The following GRIP2 variants were observed in gnomAD, a reference collection of about 807,000 sequenced individuals.
The protein encoded by GRIP2 is glutamate receptor interacting protein 2, also known as glutamate receptor-interacting protein 2.
Under a neutral mutation model 108.3 loss-of-function variants are expected in GRIP2, and 58 were observed. The ratio of observed to expected loss-of-function variants is 0.54; its 90% CI spans 0.43 to 0.67. The LOEUF is 0.67. Ranked by LOEUF, GRIP2 falls within the 30% of genes least tolerant of loss-of-function variation. GRIP2 has a pLI of 0.00. For synonymous variants in GRIP2, 586 were observed against 598.2 expected (o/e 0.98, Z 0.30); for missense variants, 1,278 against 1,430.6 (o/e 0.89, Z 1.72).
chr3:14,598,247 A>T, the GRIP2 span, among the ~76,000 whole-genome samples: 1 of 151,928 alleles, frequency 6.6e-6, no homozygotes, highest in Non-Finnish European at 1.5e-5. Context: ...GGAAATGAGC[A>T]GCAGGAGTGA....
At chr3:14,557,811 T>C (rs1695260232), upstream of GRIP2, among the ~76,000 whole-genome samples, 1 of 152,206 alleles carries the variant, frequency 6.6e-6, no homozygotes, top group African/African-American at 2.4e-5. Context: ...AGAGAACACA[T>C]GCCTTTAGGG....
At chr3:14,528,470 G>A (rs1694621587) in intron 1 of GRIP2, among the ~76,000 whole-genome samples, 1 of 152,196 alleles carries the variant, frequency 6.6e-6, no homozygotes, top group Non-Finnish European at 1.5e-5. Context: ...TTTCAAAGTG[G>A]CTGTGCCATT....
the GRIP2 span, among the ~76,000 whole-genome samples, chr3:14,584,091 A>T: frequency 6.6e-6 from 1 of 152,240 alleles, no homozygotes; most frequent in Non-Finnish European, 1.5e-5. Context: ...ACTATGGCTC[A>T]GAGAGATCAG....
the GRIP2 span, among the ~76,000 whole-genome samples, chr3:14,599,145 A>C: frequency 6.6e-6 from 1 of 152,094 alleles, no homozygotes; most frequent in Non-Finnish European, 1.5e-5. Flanking sequence ...TCTTGTTCAC[A>C]GTTTTATCCC....
At chr3:14,571,971 A>G in the GRIP2 span, among the ~76,000 whole-genome samples, 1 of 152,226 alleles carries the variant, frequency 6.6e-6, no homozygotes, top group African/African-American at 2.4e-5. Flanking sequence ...GTAAAGTGGT[A>G]CAGCGACTTT....
At chr3:14,583,102 T>G in the GRIP2 span, among the ~76,000 whole-genome samples, 1 of 152,216 alleles carries the variant, frequency 6.6e-6, no homozygotes, top group African/African-American at 2.4e-5. Flanking sequence ...CTCCATAGGT[T>G]GTCATTGCTC....
intron 1 of GRIP2, among the ~76,000 whole-genome samples, chr3:14,552,744 C>T (rs1695172054): frequency 6.6e-6 from 1 of 151,954 alleles, no homozygotes; most frequent in Non-Finnish European, 1.5e-5. Flanking sequence ...AGGCGTGCGC[C>T]ACCACACATG....
At chr3:14,510,072 A>G in intron 16 of GRIP2, 108 bp from the exon 17 acceptor site, 1 of 1,045,532 alleles carries the variant, frequency 9.6e-7, no homozygotes, top group Non-Finnish European at 1.3e-6. Flanking sequence ...TCATTCACCC[A>G]GTCACTCACG....
intron 1 of GRIP2, among the ~76,000 whole-genome samples, chr3:14,530,164 G>A (rs1694671044): frequency 6.6e-6 from 1 of 152,158 alleles, no homozygotes; most frequent in Non-Finnish European, 1.5e-5. Context: ...CTGATAGACG[G>A]GTGAATATTT....
intron 1 of GRIP2, among the ~76,000 whole-genome samples, chr3:14,554,747 G>T: frequency 6.6e-6 from 1 of 151,398 alleles, no homozygotes; most frequent in Non-Finnish European, 1.5e-5. Context: ...GCTGGAGACA[G>T]CCTCAGTGAG....
At chr3:14,496,961 C>CT (rs56751492) in intron 21 of GRIP2, among the ~76,000 whole-genome samples, 51,113 of 136,402 alleles carry the variant, frequency 0.37, 10,498 homozygotes, top group South Asian at 0.65. Context: ...AGTCAAGACT[C>CT]TTTTTTTTTT....
chr3:14,587,363 T>C, the GRIP2 span, among the ~76,000 whole-genome samples: 1 of 152,186 alleles, frequency 6.6e-6, no homozygotes, highest in Non-Finnish European at 1.5e-5. Context: ...CTAGCTCAGG[T>C]ACTAAGTTAG....
At chr3:14,561,976 C>G in the GRIP2 span, among the ~76,000 whole-genome samples, 1 of 152,226 alleles carries the variant, frequency 6.6e-6, no homozygotes, top group Admixed American at 6.5e-5. Flanking sequence ...CGTGGAGGTA[C>G]AGCCACCAAG....
At chr3:14,513,590 C>A in intron 13 of GRIP2, 75 bp downstream of exon 13, 1 of 1,504,746 alleles carries the variant, frequency 6.6e-7, no homozygotes, top group South Asian at 1.3e-5. Context: ...AGCGTTTGCA[C>A]AGGCGAGGCA....
chr3:14,572,468 C>T, the GRIP2 span, among the ~76,000 whole-genome samples: 777 of 150,990 alleles, frequency 5.1e-3, 5 homozygotes, highest in African/African-American at 0.015. Flanking sequence ...AAAAATTAGC[C>T]GGGCGTGGTG....
At chr3:14,508,813 T>C (rs1431750935) in intron 17 of GRIP2, among the ~76,000 whole-genome samples, 1 of 152,166 alleles carries the variant, frequency 6.6e-6, no homozygotes, top group Non-Finnish European at 1.5e-5. Flanking sequence ...GAACTAAATA[T>C]ATATTTAAGA....
At position 14,517,145 on chromosome 3, in the gene GRIP2, G is replaced by T. The variant is rs1252473413; in HGVS notation, c.1225C>A (p.Leu409Ile). The T allele has an allele frequency of 1.2e-6, 2 of 1,609,958 alleles. No individual in the cohort carries two copies. The highest frequency in any genetic ancestry group is 1.7e-6 in the Non-Finnish European group (2 of 1,178,586). ...HAFSCNNPST[L>I]PRGSQPMSPR... ...CTCATGGGCTGGGATCCACGGGGAA[G>T]GGTGCTGGGGTTGTTGCAGGAAAAG... The change falls in exon 11 of 24, where the codon CTT (leucine) becomes ATT (isoleucine). Residue 409 changes from leucine (L) to isoleucine (I), a missense_variant. Physicochemically the swap from Leu to Ile is conservative, Grantham distance 5. Transcript: ENST00000621039.
At chr3:14,592,629 G>A in the GRIP2 span, among the ~76,000 whole-genome samples, 209 of 152,260 alleles carry the variant, frequency 1.4e-3, no homozygotes, top group African/African-American at 4.6e-3. Context: ...TCCCAGCACC[G>A]GCGGGAGTGT....
chr3:14,573,830 G>A, the GRIP2 span: 1 of 1,499,028 alleles, frequency 6.7e-7, no homozygotes, highest in Non-Finnish European at 9.3e-7. Context: ...TGGAATGGAT[G>A]GGTCACTTCA....
Sources: allele counts gnomAD v4.1 joint callset (sites outside exome capture counted in the v4.1 genomes callset), GRCh38; gene constraint gnomAD v4.1.1; transcripts MANE v1.5; gene names NCBI Gene and HGNC (gene_info 2026-07-23, HGNC 2026-07-21).